The following CDK14 variants were observed in gnomAD, a reference collection of about 807,000 sequenced individuals.
The protein encoded by CDK14 is cyclin dependent kinase 14.
Under a neutral mutation model 60.7 loss-of-function variants are expected in CDK14, and 34 were observed. That is an observed-to-expected ratio of 0.56 (90% confidence interval 0.43 to 0.75). CDK14 has a LOEUF of 0.75. Among genes scored for constraint, CDK14 ranks in the 30% least tolerant of loss-of-function variants. The pLI is 0.00. For synonymous variants in CDK14, 197 were observed against 203.7 expected, an observed-to-expected ratio of 0.97 and a Z score of 0.28; for missense variants, 482 against 564.1, an observed-to-expected ratio of 0.85 and a Z score of 1.47.
At chr7:91,117,066 A>G (rs1187723435) in intron 13 of CDK14, among the ~76,000 whole-genome samples, 2 of 146,210 alleles carry the variant, frequency 1.4e-5, no homozygotes, top group African/African-American at 5.1e-5. Context: ...CTGACACTCA[A>G]CATTTCCATT....
intron 5 of CDK14, among the ~76,000 whole-genome samples, chr7:90,844,814 T>C (rs1357317430): frequency 6.6e-6 from 1 of 152,152 alleles, no homozygotes; most frequent in East Asian, 1.9e-4. Flanking sequence ...TAAACAAATA[T>C]ACAAACAAGA....
At chr7:91,179,411 G>A (rs1388270690) in intron 14 of CDK14, among the ~76,000 whole-genome samples, 1 of 150,190 alleles carries the variant, frequency 6.7e-6, no homozygotes, top group African/African-American at 2.5e-5. Flanking sequence ...GCTAGATGAC[G>A]AGTTAGTGGG....
intron 10 of CDK14, among the ~76,000 whole-genome samples, chr7:91,031,324 G>C (rs1796753068): frequency 6.6e-6 from 1 of 152,020 alleles, no homozygotes; most frequent in Non-Finnish European, 1.5e-5. Context: ...CAATGCAAAT[G>C]CTCATCAGTA....
At chr7:90,819,787 G>A (rs1319185764) in intron 5 of CDK14, among the ~76,000 whole-genome samples, 1 of 152,072 alleles carries the variant, frequency 6.6e-6, no homozygotes, top group Non-Finnish European at 1.5e-5. Context: ...TCATCTTTTA[G>A]ACAATTTTGG....
intron 12 of CDK14, among the ~76,000 whole-genome samples, chr7:91,080,068 GT>G (rs1473839830): frequency 6.6e-6 from 1 of 152,162 alleles, no homozygotes; most frequent in African/African-American, 2.4e-5. Context: ...GCAAGCCAAT[GT>G]GTTAGAAAAT....
chr7:90,995,317 T>A (rs138458965), intron 10 of CDK14, among the ~76,000 whole-genome samples: 7 of 152,304 alleles, frequency 4.6e-5, no homozygotes, highest in African/African-American at 1.4e-4. Flanking sequence ...AGGCTTGACC[T>A]AAGCTTTGTG....
intron 8 of CDK14, among the ~76,000 whole-genome samples, chr7:90,946,002 G>GT (rs1331026997): frequency 6.6e-6 from 1 of 152,154 alleles, no homozygotes; most frequent in Non-Finnish European, 1.5e-5. Context: ...ACCCAGAAGT[G>GT]TTTAAGTCTG....
At chr7:91,047,070 A>G (rs1175359877) in intron 11 of CDK14, among the ~76,000 whole-genome samples, 7 of 152,164 alleles carry the variant, frequency 4.6e-5, no homozygotes, top group Admixed American at 2.6e-4. Context: ...AAACCTAACA[A>G]TTTTAAATGG....
intron 14 of CDK14, among the ~76,000 whole-genome samples, chr7:91,193,889 ACATAAAG>A (rs1802451745): frequency 6.6e-6 from 1 of 152,156 alleles, no homozygotes; most frequent in Non-Finnish European, 1.5e-5. Context: ...GGTTCTTCAA[ACATAAAG>A]CTCTTCTTGC....
chr7:90,811,736 T>C (rs1184092860), intron 5 of CDK14, among the ~76,000 whole-genome samples: 2 of 151,784 alleles, frequency 1.3e-5, no homozygotes, highest in East Asian at 3.9e-4. Context: ...AGGGCTAATA[T>C]CCAGAATCTA....
intron 4 of CDK14, among the ~76,000 whole-genome samples, chr7:90,778,731 C>T (rs1805159935): frequency 6.6e-6 from 1 of 152,026 alleles, no homozygotes; most frequent in Non-Finnish European, 1.5e-5. Context: ...ACATCACATT[C>T]TCACCCTCTG....
intron 2 of CDK14, among the ~76,000 whole-genome samples, chr7:90,622,929 T>TC (rs910140689): frequency 6.7e-6 from 1 of 150,092 alleles, no homozygotes; most frequent in African/African-American, 2.4e-5. Flanking sequence ...TTTTCTTTTT[T>TC]TTTTTTTTTA....
At chr7:90,895,386 CTCT>C (rs1554368234) in intron 6 of CDK14, among the ~76,000 whole-genome samples, 436 of 8,710 alleles carry the variant, frequency 0.05, 33 homozygotes, top group Middle Eastern at 0.083. Flanking sequence ...CTCTCCTCTC[CTCT>C]CCTCTCCTCT....
chr7:91,026,912 G>T (rs1796588314), intron 10 of CDK14, among the ~76,000 whole-genome samples: 1 of 152,184 alleles, frequency 6.6e-6, no homozygotes, highest in South Asian at 2.1e-4. Flanking sequence ...AACGTCATGT[G>T]TTTCTTGCTG....
intron 2 of CDK14, among the ~76,000 whole-genome samples, chr7:90,623,402 G>A (rs17865255): frequency 0.028 from 4,320 of 152,100 alleles, 78 homozygotes; most frequent in Non-Finnish European, 0.044. Context: ...TTCTTTAAAG[G>A]GCTTTTCTCT....
intron 12 of CDK14, among the ~76,000 whole-genome samples, chr7:91,102,121 G>A (rs1367350200): frequency 1.3e-5 from 2 of 152,112 alleles, no homozygotes; most frequent in African/African-American, 2.4e-5. Flanking sequence ...GCCAGCACCC[G>A]CATTGGTATC....
intron 3 of CDK14, among the ~76,000 whole-genome samples, chr7:90,727,188 C>T (rs1337509958): frequency 6.6e-6 from 1 of 152,074 alleles, no homozygotes; most frequent in Non-Finnish European, 1.5e-5. Flanking sequence ...AATTTCATTG[C>T]AGAATAAATA....
chr7:91,038,737 TG>T (rs1299513465), intron 10 of CDK14, among the ~76,000 whole-genome samples: 1 of 152,192 alleles, frequency 6.6e-6, no homozygotes, highest in East Asian at 1.9e-4. Context: ...TGGGAGGTGA[TG>T]GAATTATGGG....
intron 7 of CDK14, among the ~76,000 whole-genome samples, chr7:90,908,585 G>C (rs1792789603): frequency 6.6e-6 from 1 of 151,460 alleles, no homozygotes; most frequent in Non-Finnish European, 1.5e-5. Context: ...GTTTAAGATG[G>C]ATCTGCACAC....
Sources: gnomAD v4.1 joint callset for allele counts (sites outside exome capture counted in the v4.1 genomes callset) on GRCh38, gnomAD v4.1.1 for gene constraint, MANE v1.5 for transcripts, NCBI Gene and HGNC (gene_info 2026-07-23, HGNC 2026-07-21) for gene names.